Variants in PDE4D observed in about 807,000 individuals in gnomAD.
The protein encoded by PDE4D is phosphodiesterase 4D.
A neutral mutation model predicts 87.4 loss-of-function variants in PDE4D; 24 were observed. The ratio of observed to expected loss-of-function variants is 0.27; its 90% CI spans 0.20 to 0.39. The LOEUF is 0.39. PDE4D is among the 10% of genes least tolerant of loss of function. The pLI, the probability that PDE4D is intolerant of heterozygous loss-of-function variation, is 1.00. For missense variants in PDE4D, 714 were observed against 1,041.0 expected (o/e 0.69, Z 4.32); for synonymous variants, 384 against 383.2 (o/e 1.00, Z -0.02).
chr5:59,885,291 T>C (rs1409948684), intron 1 of PDE4D, among the ~76,000 whole-genome samples: 1 of 152,170 alleles, frequency 6.6e-6, no homozygotes, highest in African/African-American at 2.4e-5. Flanking sequence ...TTCAAAATGT[T>C]CTTTACTATC....
In PDE4D at chr5:60,294,962, T is replaced by A. The variant is rs765592865; in HGVS notation, c.-89-109275A>T. On this transcript the variant is annotated intron_variant, in intron 1 of 16. Transcript: ENST00000502484. Reference sequence around the variant, plus strand: ...TAGATTAATTCAGGAAAAATTAATATCCTAAATTGTTATTGAGTCTTCTGA... The same window carrying A: ...TAGATTAATTCAGGAAAAATTAATAACCTAAATTGTTATTGAGTCTTCTGA... 4.1e-4 allele frequency among the ~76,000 whole-genome samples: 63 copies of A among 152,078 alleles called. 1 individual carries two copies. Among genetic ancestry groups the A allele is most frequent in the Non-Finnish European group, 3.7e-4 (25 of 67,962 alleles).
chr5:59,706,170 C>T (rs1753377158), intron 1 of PDE4D, among the ~76,000 whole-genome samples: 1 of 152,118 alleles, frequency 6.6e-6, no homozygotes, highest in African/African-American at 2.4e-5. Context: ...ATGTGGGTTA[C>T]TAGGTTCCAT....
intron 2 of PDE4D, among the ~76,000 whole-genome samples, chr5:60,045,580 T>C (rs565602421): frequency 6.6e-6 from 1 of 152,226 alleles, no homozygotes; most frequent in African/African-American, 2.4e-5. Flanking sequence ...TTTCTACATA[T>C]GGCTAGCCAG....
intron 1 of PDE4D, among the ~76,000 whole-genome samples, chr5:59,531,491 A>T (rs181304261): frequency 2.6e-5 from 4 of 152,324 alleles, no homozygotes; most frequent in African/African-American, 4.8e-5. Context: ...TTAGTGATTT[A>T]ACAATTAAAA....
At chr5:59,567,157 T>C (rs972630737) in intron 1 of PDE4D, among the ~76,000 whole-genome samples, 1 of 152,210 alleles carries the variant, frequency 6.6e-6, no homozygotes, top group Non-Finnish European at 1.5e-5. Flanking sequence ...TGAAAATCTA[T>C]TCTTCAGTGT....
At chr5:59,388,948 G>A (rs1787676476) in intron 1 of PDE4D, among the ~76,000 whole-genome samples, 1 of 151,802 alleles carries the variant, frequency 6.6e-6, no homozygotes, top group African/African-American at 2.4e-5. Context: ...AAGAGATAAT[G>A]GAATCAAATT....
At chr5:59,273,765 G>A (rs1378455342) in intron 1 of PDE4D, among the ~76,000 whole-genome samples, 1 of 151,960 alleles carries the variant, frequency 6.6e-6, no homozygotes, top group Non-Finnish European at 1.5e-5. Context: ...TTAAATTGTG[G>A]CTTGACTTAT....
chr5:59,149,994 T>C (rs1779250309), intron 5 of PDE4D, among the ~76,000 whole-genome samples: 1 of 152,176 alleles, frequency 6.6e-6, no homozygotes, highest in Non-Finnish European at 1.5e-5. Flanking sequence ...CAAATTTGAA[T>C]GAATATTTTG....
At chr5:59,857,131 G>A (rs993893611) in intron 1 of PDE4D, among the ~76,000 whole-genome samples, 7 of 151,826 alleles carry the variant, frequency 4.6e-5, no homozygotes, top group East Asian at 1.9e-4. Flanking sequence ...GCAATCAGCC[G>A]AGAGCCTACA....
intron 2 of PDE4D, among the ~76,000 whole-genome samples, chr5:59,214,032 T>TCACACACACACACACA (rs199738839): frequency 7.5e-6 from 1 of 132,668 alleles, no homozygotes; most frequent in African/African-American, 2.9e-5. Flanking sequence ...CATACATACT[T>TCACACACACACACACA]CACACACACA....
At chr5:59,415,241 G>GA (rs1045305524) in intron 1 of PDE4D, among the ~76,000 whole-genome samples, 1 of 152,140 alleles carries the variant, frequency 6.6e-6, no homozygotes, top group Non-Finnish European at 1.5e-5. Context: ...AGTTTAAGTG[G>GA]AAAAATAGCA....
At chr5:59,823,250 C>T (rs528643627) in intron 1 of PDE4D, among the ~76,000 whole-genome samples, 20 of 152,286 alleles carry the variant, frequency 1.3e-4, no homozygotes, top group African/African-American at 4.8e-4. Context: ...CTGTTTAATG[C>T]CTTCCTGTAT....
intron 1 of PDE4D, among the ~76,000 whole-genome samples, chr5:59,404,212 G>A (rs1351259079): frequency 6.6e-6 from 1 of 152,168 alleles, no homozygotes; most frequent in Non-Finnish European, 1.5e-5. Flanking sequence ...TCCCTTGTCA[G>A]ATGGATAGTT....
intron 1 of PDE4D, among the ~76,000 whole-genome samples, chr5:59,515,884 TGATGGATCAGTCAATC>T (rs1458529810): frequency 6.6e-6 from 1 of 152,084 alleles, no homozygotes; most frequent in Admixed American, 6.5e-5. Context: ...AGTGGAAAAA[TGATGGATCAGTCAATC>T]GATGGTGTGG....
intron 1 of PDE4D, among the ~76,000 whole-genome samples, chr5:59,738,679 T>C (rs1027162841): frequency 8.6e-5 from 13 of 151,892 alleles, no homozygotes; most frequent in Non-Finnish European, 1.6e-4. Flanking sequence ...TATTTTTACA[T>C]GCCTGAAATA....
intron 1 of PDE4D, among the ~76,000 whole-genome samples, chr5:60,321,629 A>C (rs551217332): frequency 6.3e-4 from 96 of 152,334 alleles, no homozygotes; most frequent in African/African-American, 2.3e-3. Context: ...ATGGGAGAAA[A>C]TATTTGCAAA....
intron 3 of PDE4D, among the ~76,000 whole-genome samples, chr5:59,986,150 G>A (rs1041035613): frequency 2.0e-5 from 3 of 152,176 alleles, no homozygotes; most frequent in African/African-American, 7.2e-5. Flanking sequence ...CTTCAAGCAG[G>A]CTGAAGCGAT....
chr5:60,262,006 CCCCAAGTCTT>C (rs1230730901), intron 1 of PDE4D, among the ~76,000 whole-genome samples: 1 of 152,028 alleles, frequency 6.6e-6, no homozygotes, highest in Non-Finnish European at 1.5e-5. Flanking sequence ...GAGAACTTAC[CCCCAAGTCTT>C]TCTAGTCTCT....
chr5:59,438,687 C>T lies in PDE4D; in HGVS notation c.456-222719G>A, dbSNP rs567205965. Among the ~76,000 whole-genome samples the T allele has an allele frequency of 3.3e-5, 5 of 152,266 alleles. No individual in the cohort carries two copies. In the South Asian group the frequency reaches 1.0e-3, roughly 32 times the overall value. On this transcript the variant is annotated intron_variant, in intron 1 of 14. Coordinates refer to ENST00000340635, the MANE Select transcript of PDE4D (RefSeq NM_001104631.2). ...CTGCACACTTACAATGTTGCCTCAA[C>T]CACTTCTGAATGCATCTCAGAGGCA...
Sources: allele counts gnomAD v4.1 joint callset (sites outside exome capture counted in the v4.1 genomes callset), GRCh38; gene constraint gnomAD v4.1.1; transcripts MANE v1.5; gene names NCBI Gene and HGNC (gene_info 2026-07-23, HGNC 2026-07-21).